GABRB1: variants seen among roughly 807,000 people sequenced by gnomAD.
GABRB1 encodes gamma-aminobutyric acid receptor subunit beta-1.
A neutral mutation model predicts 51.6 loss-of-function variants in GABRB1; 17 were observed. That is an observed-to-expected ratio of 0.33 (90% CI 0.23 to 0.49). The LOEUF is 0.49. GABRB1 is among the 20% of genes least tolerant of loss of function. GABRB1 has a pLI of 0.99. For missense variants in GABRB1, 410 were observed against 600.6 expected (o/e 0.68, Z 3.32); for synonymous variants, 247 against 218.9 (o/e 1.13, Z -1.14).
intron 4 of GABRB1, among the ~76,000 whole-genome samples, chr4:47,166,084 GA>G (rs202173604): frequency 2.7e-5 from 4 of 149,934 alleles, no homozygotes; most frequent in African/African-American, 4.9e-5. Context: ...ATTTCGCCTA[GA>G]AAAAAAAATG....
intron 8 of GABRB1, among the ~76,000 whole-genome samples, chr4:47,413,093 T>C (rs1419929726): frequency 6.6e-6 from 1 of 152,238 alleles, no homozygotes; most frequent in Non-Finnish European, 1.5e-5. Context: ...GCATTCACCG[T>C]GAAAGCTTCC....
chr4:47,073,886 T>G (rs1030179911), intron 3 of GABRB1, among the ~76,000 whole-genome samples: 2 of 152,022 alleles, frequency 1.3e-5, no homozygotes, highest in African/African-American at 4.8e-5. Context: ...GCAGCCAAAA[T>G]ACAAACAGAG....
chr4:47,078,946 A>C (rs1249112096), intron 3 of GABRB1, among the ~76,000 whole-genome samples: 2 of 152,206 alleles, frequency 1.3e-5, no homozygotes, highest in Admixed American at 1.3e-4. Context: ...GGGTCATTGC[A>C]TCCCAGGGAT....
intron 3 of GABRB1, among the ~76,000 whole-genome samples, chr4:47,087,640 T>C (rs1728132479): frequency 6.6e-6 from 1 of 152,036 alleles, no homozygotes; most frequent in Admixed American, 6.6e-5. Flanking sequence ...ATGTGAATAA[T>C]AATCCCACAT....
intron 4 of GABRB1, among the ~76,000 whole-genome samples, chr4:47,277,002 G>A (rs1379049759): frequency 1.3e-5 from 2 of 151,992 alleles, no homozygotes; most frequent in Non-Finnish European, 2.9e-5. Context: ...ACATAGGTAG[G>A]ATTCTAGGGG....
chr4:47,035,076 G>A (rs149849947), intron 3 of GABRB1, among the ~76,000 whole-genome samples: 134 of 152,156 alleles, frequency 8.8e-4, no homozygotes, highest in African/African-American at 3.0e-3. Context: ...TTATATTTAT[G>A]TTTTTATTTA....
At chr4:47,026,151 A>AAAAT (rs577516962) in intron 1 of GABRB1, among the ~76,000 whole-genome samples, 401 of 152,106 alleles carry the variant, frequency 2.6e-3, no homozygotes, top group Middle Eastern at 0.01. Flanking sequence ...CCTTAGTGTA[A>AAAAT]AAATAAATAA....
chr4:47,202,197 C>G (rs991137612), intron 4 of GABRB1, among the ~76,000 whole-genome samples: 1 of 152,158 alleles, frequency 6.6e-6, no homozygotes, highest in East Asian at 1.9e-4. Context: ...TGAGTGAGCT[C>G]TCACAAGATC....
At chr4:47,303,191 T>C (rs1244186420) in intron 4 of GABRB1, among the ~76,000 whole-genome samples, 1 of 151,918 alleles carries the variant, frequency 6.6e-6, no homozygotes, top group Non-Finnish European at 1.5e-5. Flanking sequence ...CTCTGTGCAT[T>C]TTGTAATTTA....
chr4:47,320,205 A>G lies in GABRB1; in HGVS notation c.540A>G (p.Glu180=), dbSNP rs1429343311. ...AGCAGAACTGCACCCTGGAGATCGAAAGTTGTGAGTTACTTGGACAGGGGA... is the reference window on the plus strand; with the variant it reads ...AGCAGAACTGCACCCTGGAGATCGAGAGTTGTGAGTTACTTGGACAGGGGA... The part of the protein sequence containing the change: ...LDEQNCTLEI[E]SYGYTTDDIE... The change falls in exon 5 of 9, where the codon GAA becomes GAG. Residue 180 remains glutamate, a synonymous_variant. Transcript: ENST00000295454. The G allele has an allele frequency of 1.9e-6, 3 of 1,573,556 alleles. No homozygotes were observed. The highest frequency in any genetic ancestry group is 1.8e-6 in the Non-Finnish European group (2 of 1,142,576).
At chr4:47,243,200 G>A (rs1275853963) in intron 4 of GABRB1, among the ~76,000 whole-genome samples, 1 of 152,098 alleles carries the variant, frequency 6.6e-6, no homozygotes, top group African/African-American at 2.4e-5. Flanking sequence ...GGTTGTAGAT[G>A]TGTGGTATTA....
chr4:47,317,449 G>A (rs1724933713), intron 4 of GABRB1, among the ~76,000 whole-genome samples: 1 of 151,366 alleles, frequency 6.6e-6, no homozygotes, highest in African/African-American at 2.4e-5. Flanking sequence ...ATCACTATGA[G>A]ACTAAAAAAA....
Position 47,282,695 on chromosome 4 carries a change from A to C in GABRB1, c.462-37432A>C, listed in dbSNP as rs531233438. ...CATACTTCTGATTACAAAAGAAAGAAAAATCTTTTCAGTGTATTGAATCAA... is the reference window on the plus strand; with the variant it reads ...CATACTTCTGATTACAAAAGAAAGACAAATCTTTTCAGTGTATTGAATCAA... On this transcript the variant is annotated intron_variant, in intron 4 of 8. Transcript: ENST00000295454. 2.0e-4 allele frequency among the ~76,000 whole-genome samples: 30 copies of C among 152,356 alleles called. No homozygotes were observed. The South Asian group carries it at 5.6e-3, about 28-fold the overall frequency.
chr4:47,103,356 TC>T (rs1165014627), intron 3 of GABRB1, among the ~76,000 whole-genome samples: 4 of 152,022 alleles, frequency 2.6e-5, no homozygotes, highest in Non-Finnish European at 5.9e-5. Context: ...GAAAATCTTT[TC>T]CCAATGGTAG....
chr4:47,158,642 C>T (rs911358127), intron 3 of GABRB1, among the ~76,000 whole-genome samples: 8 of 152,044 alleles, frequency 5.3e-5, no homozygotes, highest in Non-Finnish European at 1.2e-4. Flanking sequence ...AAAATTTACA[C>T]TATGACTGTG....
chr4:47,215,737 G>A (rs1018042110), intron 4 of GABRB1, among the ~76,000 whole-genome samples: 1 of 151,950 alleles, frequency 6.6e-6, no homozygotes, highest in Non-Finnish European at 1.5e-5. Context: ...AATTCATTTA[G>A]GTCAATGTAG....
intron 5 of GABRB1, among the ~76,000 whole-genome samples, chr4:47,380,670 C>T (rs1052181236): frequency 6.6e-6 from 1 of 152,158 alleles, no homozygotes; most frequent in African/African-American, 2.4e-5. Context: ...TCTTAAAACC[C>T]TAGATATATT....
At chr4:47,017,462 G>A (rs1258835038) in intron 1 of GABRB1, among the ~76,000 whole-genome samples, 1 of 152,182 alleles carries the variant, frequency 6.6e-6, no homozygotes. Flanking sequence ...GGAAATATGA[G>A]ATAGACTTCT....
upstream of GABRB1, among the ~76,000 whole-genome samples, chr4:47,028,392 T>A (rs141594453): frequency 2.4e-4 from 37 of 151,962 alleles, 1 homozygote; most frequent in African/African-American, 8.9e-4. Context: ...GTCACCCTAC[T>A]CTGCTATCAA....
Sources: gnomAD v4.1 joint callset for allele counts (sites outside exome capture counted in the v4.1 genomes callset) on GRCh38, gnomAD v4.1.1 for gene constraint, MANE v1.5 for transcripts, NCBI Gene and HGNC (gene_info 2026-07-23, HGNC 2026-07-21) for gene names.